MAMLD1: variants seen among roughly 807,000 people sequenced by gnomAD.
The protein encoded by MAMLD1 is mastermind-like domain-containing protein 1.
MAMLD1 carries 14 observed loss-of-function variants against 45.0 expected under a neutral mutation model. The observed-to-expected ratio is 0.31, with a 90% CI of 0.21 to 0.49. The LOEUF (loss-of-function observed/expected upper bound fraction) is 0.49. MAMLD1 is among the 20% of genes least tolerant of loss of function. The pLI is 0.99. For missense variants in MAMLD1, 543 were observed against 603.6 expected, an observed-to-expected ratio of 0.90 and a Z score of 1.05; for synonymous variants, 254 against 247.8, an observed-to-expected ratio of 1.02 and a Z score of -0.24.
At chrX:150,433,637 G>A (rs781866975) in intron 1 of MAMLD1, among the ~76,000 whole-genome samples, 1 of 111,505 alleles carries the variant, frequency 9.0e-6, no homozygotes, top group East Asian at 2.8e-4. Flanking sequence ...GAATTTTATT[G>A]AAAGCCTTTT....
Position 150,513,437 on chromosome X carries a change from T to C in MAMLD1, c.*1478T>C. 3.3e-6 allele frequency: 1 copy of C among 301,513 alleles called. No homozygotes were observed. The highest frequency in any genetic ancestry group is 4.7e-5 in the East Asian group (1 of 21,115). 24.8% of individuals were successfully genotyped at this position (301,513 alleles called of 1,213,427 possible). A position where few individuals can be genotyped will look rare whatever the true frequency, so the allele number is the denominator to read the frequency against. On this transcript the variant is annotated 3_prime_UTR_variant, in exon 8 of 8. Transcript: ENST00000370401. Reference sequence around the variant, plus strand: ...TGTTGTTTGCTCCAGTGATACCTTGTTAAGCTAGGTGGCTGAGTCGCTTAT... The same window carrying C: ...TGTTGTTTGCTCCAGTGATACCTTGCTAAGCTAGGTGGCTGAGTCGCTTAT...
At chrX:150,464,763 G>A (rs1192333220) in intron 3 of MAMLD1, among the ~76,000 whole-genome samples, 1 of 111,664 alleles carries the variant, frequency 9.0e-6, no homozygotes, top group Non-Finnish European at 1.9e-5. Context: ...ATAGTCTACT[G>A]GGGGCCATCC....
At chrX:150,511,750 A>C (rs1241809548) in intron 7 of MAMLD1, among the ~76,000 whole-genome samples, 1 of 112,427 alleles carries the variant, frequency 8.9e-6, no homozygotes, top group Non-Finnish European at 1.9e-5. Flanking sequence ...CTGGCATTTC[A>C]GTCCAGTGTG....
intron 5 of MAMLD1, among the ~76,000 whole-genome samples, chrX:150,492,786 C>T (rs1458170370): frequency 8.9e-6 from 1 of 112,380 alleles, no homozygotes; most frequent in Non-Finnish European, 1.9e-5. Context: ...CTCATACTCT[C>T]TGTCTTTAAC....
intron 5 of MAMLD1, among the ~76,000 whole-genome samples, chrX:150,488,343 T>C (rs1557407750): frequency 8.9e-6 from 1 of 112,569 alleles, no homozygotes; most frequent in African/African-American, 3.2e-5. Flanking sequence ...ATTTTTCCCC[T>C]GAGAAAGTGG....
chrX:150,368,994 A>G (rs1471270989), intron 1 of MAMLD1, among the ~76,000 whole-genome samples: 2 of 111,913 alleles, frequency 1.8e-5, no homozygotes, highest in Admixed American at 9.5e-5. Context: ...GTCAGGTAGC[A>G]TGATGCCTCC....
chrX:150,452,511 A>C (rs1415825659), intron 2 of MAMLD1, among the ~76,000 whole-genome samples: 1 of 111,353 alleles, frequency 9.0e-6, no homozygotes, highest in African/African-American at 3.3e-5. Context: ...TTAATCCACT[A>C]GCCCATGCAA....
rs782031825 is a variant in MAMLD1 at position 150,400,681 on chromosome X, T to A, written c.-64+37151T>A. On this transcript the variant is annotated intron_variant, in intron 1 of 7. Coordinates refer to ENST00000370401, the MANE Select transcript of MAMLD1 (RefSeq NM_005491.5). Reference sequence around the variant, plus strand: ...TTTTAGCATGAAGCGTTGTTGAATTTTGTCAAAGGCCTTTTCTGCATCTAT... The same window carrying A: ...TTTTAGCATGAAGCGTTGTTGAATTATGTCAAAGGCCTTTTCTGCATCTAT... 1.5e-4 allele frequency among the ~76,000 whole-genome samples: 17 copies of A among 111,445 alleles called. No individual in the cohort carries two copies. In the South Asian group the frequency reaches 6.4e-3, roughly 42 times the overall value.
At chrX:150,478,308 T>A (rs1021285167) in intron 5 of MAMLD1, among the ~76,000 whole-genome samples, 1 of 111,755 alleles carries the variant, frequency 8.9e-6, no homozygotes, top group Non-Finnish European at 1.9e-5. Context: ...TTTCCTAGTC[T>A]CAGAATCACT....
At chrX:150,363,870 G>A (rs1360975826) in intron 1 of MAMLD1, among the ~76,000 whole-genome samples, 7 of 112,942 alleles carry the variant, frequency 6.2e-5, no homozygotes, top group Non-Finnish European at 1.3e-4. Flanking sequence ...GGGCTACTGG[G>A]AGGCTCCCAC....
intron 4 of MAMLD1, 102 bp downstream of exon 4, chrX:150,471,592 T>C: frequency 8.7e-7 from 1 of 1,146,594 alleles, no homozygotes; most frequent in African/African-American, 1.8e-5. Flanking sequence ...CAGGCTATAG[T>C]TCTCTCTGAG....
chrX:150,449,466 T>A (rs1557404965), intron 2 of MAMLD1, among the ~76,000 whole-genome samples: 1 of 111,488 alleles, frequency 9.0e-6, no homozygotes, highest in African/African-American at 3.3e-5. Flanking sequence ...CTTAGACATA[T>A]CCAGTAGGAG....
In MAMLD1 at chrX:150,513,142, C is replaced by T. The variant is rs1201845622; in HGVS notation, c.*1183C>T. 2.0e-5 allele frequency: 18 copies of T among 905,084 alleles called. No individual in the cohort carries two copies. The highest frequency in any genetic ancestry group is 3.4e-5 in the East Asian group (1 of 29,339). 74.6% of individuals were successfully genotyped at this position (905,084 alleles called of 1,213,427 possible). A position where few individuals can be genotyped will look rare whatever the true frequency, so the allele number is the denominator to read the frequency against. On this transcript the variant is annotated 3_prime_UTR_variant, in exon 8 of 8. Coordinates refer to ENST00000370401, the MANE Select transcript of MAMLD1 (RefSeq NM_005491.5). ...CTAGGAAGTGGTGTCGATCCATACCCGCAGTTGTCTCCCGTTACAATTTGA... is the reference window on the plus strand; with the variant it reads ...CTAGGAAGTGGTGTCGATCCATACCTGCAGTTGTCTCCCGTTACAATTTGA...
chrX:150,414,603 T>G (rs2034205750), intron 1 of MAMLD1, among the ~76,000 whole-genome samples: 1 of 111,094 alleles, frequency 9.0e-6, no homozygotes. Context: ...AGGTGATGAG[T>G]TCTCTGTAGC....
intron 2 of MAMLD1, among the ~76,000 whole-genome samples, chrX:150,458,207 G>T (rs1182050961): frequency 8.9e-6 from 1 of 111,861 alleles, no homozygotes; most frequent in Non-Finnish European, 1.9e-5. Context: ...GACATAAATT[G>T]TTTTAAATGT....
chrX:150,423,879 A>C (rs2034614124), intron 1 of MAMLD1, among the ~76,000 whole-genome samples: 1 of 112,647 alleles, frequency 8.9e-6, no homozygotes, highest in Admixed American at 9.4e-5. Flanking sequence ...ATAGGAAAAG[A>C]TGATGCTTAT....
intron 5 of MAMLD1, among the ~76,000 whole-genome samples, chrX:150,500,988 C>G (rs1224709210): frequency 8.9e-6 from 1 of 111,822 alleles, no homozygotes; most frequent in Admixed American, 9.5e-5. Context: ...TCCAGGCCCC[C>G]TCTTGATTGC....
At chrX:150,442,603 G>C (rs1043256504) in intron 1 of MAMLD1, among the ~76,000 whole-genome samples, 1 of 111,159 alleles carries the variant, frequency 9.0e-6, no homozygotes, top group Non-Finnish European at 1.9e-5. Context: ...TAATGTAATT[G>C]TGTTAAATAT....
chrX:150,368,022 G>A (rs1187568617), intron 1 of MAMLD1, among the ~76,000 whole-genome samples: 22 of 110,821 alleles, frequency 2.0e-4, no homozygotes, highest in East Asian at 1.4e-3. Context: ...ATAAACATAC[G>A]TGTGCATGTG....
Sources: allele counts gnomAD v4.1 joint callset (sites outside exome capture counted in the v4.1 genomes callset), GRCh38; gene constraint gnomAD v4.1.1; transcripts MANE v1.5; gene names NCBI Gene and HGNC (gene_info 2026-07-23, HGNC 2026-07-21).